The following PRR5 variants were observed in gnomAD, a reference collection of about 807,000 sequenced individuals.
PRR5 encodes the protein proline-rich protein 5.
In PRR5, 25 loss-of-function variants were observed where a neutral mutation model predicts 30.6. The ratio of observed to expected loss-of-function variants is 0.82; its 90% CI spans 0.60 to 1.14. The LOEUF (loss-of-function observed/expected upper bound fraction) is 1.14. Among genes scored for constraint, PRR5 ranks in the 50% most tolerant of loss-of-function variants. The pLI, the probability that PRR5 is intolerant of heterozygous loss-of-function variation, is 0.00. For synonymous variants in PRR5, 286 were observed against 247.1 expected (o/e 1.16, Z -1.48); for missense variants, 600 against 547.1 (o/e 1.10, Z -0.96).
rs60854330 is a variant in PRR5, at chr22:44,708,966, CAAAAA to C, written c.135-5602_135-5598del. On this transcript the variant is annotated intron_variant, in intron 1 of 7. Transcript: ENST00000336985. The stretch of plus-strand genomic sequence containing the variant: ...TGGGGGACAGAGTGAGACTCTGTCT[CAAAAA>C]AAAAAAAAAAAAAAAAAAAAAAGAA... Among the ~76,000 whole-genome samples, 403 of 64,404 alleles carry C rather than the reference CAAAAA, an allele frequency of 6.3e-3. 1 individual carries two copies. The highest frequency in any genetic ancestry group is 0.015 in the African/African-American group (360 of 23,604). The allele number at this position is 64,404 out of a possible 152,430, so 42.3% of individuals were successfully genotyped here. A position where few individuals can be genotyped will look rare whatever the true frequency, so the allele number is the denominator to read the frequency against.
intron 4 of PRR5, chr22:44,730,101 C>A (rs1921665766): frequency 1.0e-6 from 1 of 985,394 alleles, no homozygotes; most frequent in Non-Finnish European, 1.2e-6. Context: ...GCCCCCAGGG[C>A]TGCCCCTGGC....
chr22:44,732,138 A>G, intron 5 of PRR5, 113 bp from the exon 6 acceptor site: 1 of 1,512,746 alleles, frequency 6.6e-7, no homozygotes, highest in Middle Eastern at 2.4e-4. Context: ...AACGGGGTGG[A>G]GGGGCCTGAG....
chr22:44,708,966 C>CAAA lies in PRR5; in HGVS notation c.135-5600_135-5598dup, dbSNP rs60854330. ...TGGGGGACAGAGTGAGACTCTGTCT[C>CAAA]AAAAAAAAAAAAAAAAAAAAAAAAA... On this transcript the variant is annotated intron_variant, in intron 1 of 7. Transcript: ENST00000336985. 2.8e-3 allele frequency among the ~76,000 whole-genome samples: 183 copies of CAAA among 64,384 alleles called. 8 individuals are homozygous for CAAA. The highest frequency in any genetic ancestry group is 6.0e-3 in the African/African-American group (141 of 23,598). 42.2% of individuals were successfully genotyped at this position (64,384 alleles called of 152,430 possible).
chr22:44,684,502 G>A (rs992491963), intron 1 of PRR5, among the ~76,000 whole-genome samples: 3 of 152,200 alleles, frequency 2.0e-5, no homozygotes, highest in African/African-American at 4.8e-5. Flanking sequence ...AGCCGAGATC[G>A]CGCCATTGTA....
chr22:44,701,823 G>A (rs559832791), upstream of PRR5, among the ~76,000 whole-genome samples: 1 of 152,310 alleles, frequency 6.6e-6, no homozygotes, highest in South Asian at 2.1e-4. Flanking sequence ...TGAGGGGTAC[G>A]GAGGCACCTC....
At chr22:44,702,047 G>T (rs1601988525), upstream of PRR5, among the ~76,000 whole-genome samples, 1 of 152,086 alleles carries the variant, frequency 6.6e-6, no homozygotes, top group South Asian at 2.1e-4. Flanking sequence ...CCAGCGAGGC[G>T]TCGTGGCAGC....
chr22:44,737,449 G>A lies in PRR5; in HGVS notation c.*202G>A. ...CTTGCTCGGCCCAGGTCTGTTTCAG[G>A]CATCTGAGTCGGCGTTTACCCAGGG... On this transcript the variant is annotated 3_prime_UTR_variant, in exon 8 of 8. Coordinates refer to ENST00000336985, the MANE Select transcript of PRR5 (RefSeq NM_181333.4). 8.6e-7 allele frequency: 1 copy of A among 1,164,420 alleles called. No individual in the cohort carries two copies. The highest frequency in any genetic ancestry group is 1.5e-5 in the African/African-American group (1 of 65,084). The allele number at this position is 1,164,420 out of a possible 1,614,324, so 72.1% of individuals were successfully genotyped here. A position where few individuals can be genotyped will look rare whatever the true frequency, so the allele number is the denominator to read the frequency against.
chr22:44,732,861 C>T (rs1415667873), intron 6 of PRR5, among the ~76,000 whole-genome samples: 4 of 136,312 alleles, frequency 2.9e-5, no homozygotes, highest in Non-Finnish European at 4.7e-5. Context: ...CGTGCACACG[C>T]ACATACTACA....
chr22:44,731,294 T>A (rs1225410947), intron 4 of PRR5: 1 of 274,704 alleles, frequency 3.6e-6, no homozygotes, highest in Non-Finnish European at 7.2e-6. Flanking sequence ...TACCTACCTG[T>A]GCGGGTCTCA....
chr22:44,679,813 A>C (rs1924099391), intron 1 of PRR5: 1 of 1,599,138 alleles, frequency 6.3e-7, no homozygotes, highest in African/African-American at 1.3e-5. Flanking sequence ...GTGTGTTTGG[A>C]ACTTTCACAG....
At chr22:44,708,680 A>G (rs1014712382) in intron 1 of PRR5, among the ~76,000 whole-genome samples, 1 of 152,180 alleles carries the variant, frequency 6.6e-6, no homozygotes, top group Non-Finnish European at 1.5e-5. Flanking sequence ...GGAATGGTAC[A>G]GGGAGGCCAA....
At chr22:44,730,365 T>C in intron 4 of PRR5, 1 of 984,888 alleles carries the variant, frequency 1.0e-6, no homozygotes. Context: ...AGCAGAGGCC[T>C]TGGGGACACG....
chr22:44,735,480 C>T (rs114217172), intron 7 of PRR5, among the ~76,000 whole-genome samples: 7,234 of 152,274 alleles, frequency 0.048, 244 homozygotes, highest in Admixed American at 0.083. Context: ...CATGCAAATG[C>T]CGAAGCTTGA....
intron 1 of PRR5, among the ~76,000 whole-genome samples, chr22:44,703,519 G>A (rs558866245): frequency 1.3e-5 from 2 of 152,290 alleles, no homozygotes; most frequent in East Asian, 1.9e-4. Context: ...TGGGCTCAGG[G>A]CTGCCAGCGA....
At chr22:44,692,016 C>G (rs1925283117) in intron 1 of PRR5, among the ~76,000 whole-genome samples, 2 of 152,144 alleles carry the variant, frequency 1.3e-5, no homozygotes, top group African/African-American at 4.8e-5. Context: ...CCTCCCTACC[C>G]TGCTGGACCG....
intron 4 of PRR5, chr22:44,731,467 C>T (rs1457760932): frequency 3.6e-6 from 2 of 550,108 alleles, no homozygotes; most frequent in Non-Finnish European, 6.6e-6. Context: ...GTTCCCTGTG[C>T]CTTAGGCTCA....
At chr22:44,697,107 GTCTT>G (rs1925824925) in intron 1 of PRR5, among the ~76,000 whole-genome samples, 1 of 152,208 alleles carries the variant, frequency 6.6e-6, no homozygotes, top group South Asian at 2.1e-4. Flanking sequence ...CAGGGACCAT[GTCTT>G]TCTTGTTCCT....
chr22:44,715,959 T>A lies in PRR5; in HGVS notation c.215+1288T>A, dbSNP rs566620943. Among the ~76,000 whole-genome samples the A allele has an allele frequency of 9.2e-5, 14 of 152,314 alleles. No individual in the cohort carries two copies. The South Asian group carries it at 2.9e-3, about 32-fold the overall frequency. On this transcript the variant is annotated intron_variant, in intron 2 of 7. Coordinates refer to ENST00000336985, the MANE Select transcript of PRR5 (RefSeq NM_181333.4). ...CCACCATGCCCGGCCAGCTGGGTAT[T>A]TAAACAACAACAAAAGGAGTTACTG...
In PRR5 at chr22:44,731,805, T is replaced by C. The variant is rs748569621; in HGVS notation, c.398T>C (p.Ile133Thr). ...GACGTGCTGCCCATGCTGCAGGCCATCTTCTACCCGGTGCAGGTGGGCAGC... is the reference window on the plus strand; with the variant it reads ...GACGTGCTGCCCATGCTGCAGGCCACCTTCTACCCGGTGCAGGTGGGCAGC... The part of the protein sequence containing the change: ...FSDVLPMLQA[I>T]FYPVQGKEPS... The change falls in exon 5 of 8, where the codon ATC becomes ACC. Residue 133 changes from isoleucine (I) to threonine (T), a missense_variant. Ile to Thr is a moderately conservative substitution (Grantham distance 89). Transcript: ENST00000336985. The C allele has an allele frequency of 1.2e-6, 2 of 1,613,280 alleles. No homozygotes were observed. Among genetic ancestry groups the C allele is most frequent in the African/African-American group, 1.3e-5 (1 of 74,930 alleles).
Sources: allele counts gnomAD v4.1 joint callset (sites outside exome capture counted in the v4.1 genomes callset), GRCh38; gene constraint gnomAD v4.1.1; transcripts MANE v1.5; gene names NCBI Gene and HGNC (gene_info 2026-07-23, HGNC 2026-07-21).